The following LCLAT1 variants were observed in gnomAD, a reference collection of about 807,000 sequenced individuals.
The protein encoded by LCLAT1 is lysocardiolipin acyltransferase 1.
Under a neutral mutation model 30.7 loss-of-function variants are expected in LCLAT1, and 11 were observed. The observed-to-expected ratio is 0.36, with a 90% CI of 0.23 to 0.59. The LOEUF (loss-of-function observed/expected upper bound fraction) is 0.59, where lower values mean the gene tolerates loss of function less well. LCLAT1 is among the 20% of genes least tolerant of loss of function. The pLI, the probability that LCLAT1 is intolerant of heterozygous loss-of-function variation, is 0.77. For synonymous variants in LCLAT1, 155 were observed against 151.3 expected (o/e 1.02, Z -0.18); for missense variants, 402 against 458.6 (o/e 0.88, Z 1.13).
chr2:30,593,626 A>G (rs374147891), intron 5 of LCLAT1, among the ~76,000 whole-genome samples: 1 of 152,264 alleles, frequency 6.6e-6, no homozygotes, highest in African/African-American at 2.4e-5. Flanking sequence ...TTAACCTGCA[A>G]ATTGCTTTGG....
chr2:30,469,996 G>A (rs773353425), intron 1 of LCLAT1, among the ~76,000 whole-genome samples: 16 of 152,188 alleles, frequency 1.1e-4, no homozygotes, highest in Admixed American at 5.9e-4. Context: ...CTCCCAAAGT[G>A]CTGGGATTAC....
intron 1 of LCLAT1, among the ~76,000 whole-genome samples, chr2:30,461,645 G>T (rs1012917188): frequency 6.6e-6 from 1 of 152,126 alleles, no homozygotes; most frequent in Admixed American, 6.6e-5. Context: ...TGTTGGAGAA[G>T]TCAGTGCTTT....
At chr2:30,629,103 A>T (rs1437504700) in intron 5 of LCLAT1, among the ~76,000 whole-genome samples, 1 of 152,240 alleles carries the variant, frequency 6.6e-6, no homozygotes, top group Admixed American at 6.5e-5. Context: ...CCAACAAAAT[A>T]AACTCAAGAG....
intron 1 of LCLAT1, among the ~76,000 whole-genome samples, chr2:30,492,439 C>G (rs1683881607): frequency 6.6e-6 from 1 of 151,984 alleles, no homozygotes; most frequent in South Asian, 2.1e-4. Flanking sequence ...AAGAATTCAG[C>G]TGTGGCTTGA....
chr2:30,461,806 T>C (rs1213211972), intron 1 of LCLAT1, among the ~76,000 whole-genome samples: 1 of 147,630 alleles, frequency 6.8e-6, no homozygotes, highest in Non-Finnish European at 1.5e-5. Context: ...AGTCTCGCTC[T>C]GTCGCCCAGG....
At chr2:30,614,160 C>T (rs1333170890) in intron 5 of LCLAT1, among the ~76,000 whole-genome samples, 1 of 58,912 alleles carries the variant, frequency 1.7e-5, no homozygotes, top group Non-Finnish European at 3.4e-5. Context: ...TTTTTGTGTC[C>T]CTGGGTACTT....
At chr2:30,561,580 A>G (rs1282643540) in intron 3 of LCLAT1, among the ~76,000 whole-genome samples, 1 of 152,194 alleles carries the variant, frequency 6.6e-6, no homozygotes, top group Non-Finnish European at 1.5e-5. Flanking sequence ...ATGTAGTCAT[A>G]GTGTACACTC....
In LCLAT1 at chr2:30,492,320, G is replaced by C. The variant is rs116744353; in HGVS notation, c.-4-33267G>C. Among the ~76,000 whole-genome samples the C allele has an allele frequency of 6.6e-3, 1,010 of 152,310 alleles. 10 individuals are homozygous for C. Among genetic ancestry groups the C allele is most frequent in the African/African-American group, 0.023 (959 of 41,560 alleles). On this transcript the variant is annotated intron_variant, in intron 1 of 5. Coordinates refer to ENST00000379509, the MANE Select transcript of LCLAT1 (RefSeq NM_001002257.3). ...TTTGGGTAGGGTTACTGTAGGAGGAGAGAACTGAGCTGGACTTGTAGGATG... is the reference window on the plus strand; with the variant it reads ...TTTGGGTAGGGTTACTGTAGGAGGACAGAACTGAGCTGGACTTGTAGGATG...
chr2:30,538,265 A>AG (rs1239613901), intron 3 of LCLAT1, among the ~76,000 whole-genome samples: 2 of 152,230 alleles, frequency 1.3e-5, no homozygotes, highest in African/African-American at 4.8e-5. Context: ...AAAAATACAA[A>AG]GGGTCAATGA....
rs79495229 is a variant in LCLAT1, at chr2:30,549,293, C to G, written c.365-12853C>G. On this transcript the variant is annotated intron_variant, in intron 3 of 5. Coordinates refer to ENST00000379509, the MANE Select transcript of LCLAT1 (RefSeq NM_001002257.3). Reference sequence around the variant, plus strand: ...CTGTTGATGTGTACTATTTCTAATACCTCAGCAAATTTACATTGCGTTAGG... The same window carrying G: ...CTGTTGATGTGTACTATTTCTAATAGCTCAGCAAATTTACATTGCGTTAGG... Among the ~76,000 whole-genome samples, 356 of 152,230 alleles carry G rather than the reference C, an allele frequency of 2.3e-3. 1 individual carries two copies. Among genetic ancestry groups the G allele is most frequent in the Non-Finnish European group, 3.9e-3 (263 of 68,018 alleles).
At chr2:30,560,608 A>G (rs1275975873) in intron 3 of LCLAT1, among the ~76,000 whole-genome samples, 1 of 152,082 alleles carries the variant, frequency 6.6e-6, no homozygotes, top group African/African-American at 2.4e-5. Context: ...AATTGCTGGG[A>G]TTACAGGCAT....
intron 5 of LCLAT1, among the ~76,000 whole-genome samples, chr2:30,573,879 C>T (rs539121848): frequency 2.0e-5 from 3 of 152,180 alleles, no homozygotes; most frequent in African/African-American, 7.2e-5. Flanking sequence ...TAATTTTATA[C>T]CGTGTTCCAA....
intron 5 of LCLAT1, among the ~76,000 whole-genome samples, chr2:30,638,808 ACGGTGT>A: frequency 1.1e-5 from 1 of 92,082 alleles, no homozygotes; most frequent in East Asian, 2.7e-4. Context: ...TGGCCACTGT[ACGGTGT>A]CACATCCGTC....
chr2:30,619,936 G>T (rs929970428), intron 5 of LCLAT1, among the ~76,000 whole-genome samples: 2 of 152,064 alleles, frequency 1.3e-5, no homozygotes, highest in African/African-American at 4.8e-5. Context: ...CACAAGTTAT[G>T]GTAGTTAACT....
intron 1 of LCLAT1, among the ~76,000 whole-genome samples, chr2:30,496,323 G>T (rs546639473): frequency 6.6e-6 from 1 of 152,250 alleles, no homozygotes; most frequent in Non-Finnish European, 1.5e-5. Flanking sequence ...TTAGTTGGTT[G>T]GGGGAATCCT....
chr2:30,551,516 A>G (rs758165443), intron 3 of LCLAT1, among the ~76,000 whole-genome samples: 2 of 152,172 alleles, frequency 1.3e-5, no homozygotes, highest in African/African-American at 2.4e-5. Context: ...GGCACTTACT[A>G]TGCTCTGTAT....
At chr2:30,627,641 G>A (rs570908960) in intron 5 of LCLAT1, among the ~76,000 whole-genome samples, 10 of 152,206 alleles carry the variant, frequency 6.6e-5, no homozygotes, top group African/African-American at 2.4e-4. Flanking sequence ...TAGAAATAGT[G>A]AAGCCTACAC....
chr2:30,549,656 C>T (rs1360406662), intron 3 of LCLAT1, among the ~76,000 whole-genome samples: 1 of 152,140 alleles, frequency 6.6e-6, no homozygotes, highest in African/African-American at 2.4e-5. Flanking sequence ...TAGTTGGTAA[C>T]TTTAATAGAT....
At chr2:30,625,915 A>G (rs371423230) in intron 5 of LCLAT1, among the ~76,000 whole-genome samples, 21 of 152,204 alleles carry the variant, frequency 1.4e-4, no homozygotes, top group African/African-American at 4.8e-4. Context: ...TAATTTCTCA[A>G]GGGCTCTTAC....
Sources: gnomAD v4.1 joint callset for allele counts (sites outside exome capture counted in the v4.1 genomes callset) on GRCh38, gnomAD v4.1.1 for gene constraint, MANE v1.5 for transcripts, NCBI Gene and HGNC (gene_info 2026-07-23, HGNC 2026-07-21) for gene names.